Variants in NR3C2 observed in about 807,000 individuals in gnomAD.
The protein encoded by NR3C2 is mineralocorticoid receptor.
A neutral mutation model predicts 86.4 loss-of-function variants in NR3C2; 15 were observed. That is an observed-to-expected ratio of 0.17 (90% CI 0.12 to 0.27). NR3C2 has a LOEUF of 0.27. Among genes scored for constraint, NR3C2 ranks in the 10% least tolerant of loss-of-function variants. The pLI is 1.00. For missense variants in NR3C2, 960 were observed against 1,195.6 expected, an observed-to-expected ratio of 0.80 and a Z score of 2.91; for synonymous variants, 458 against 450.5, an observed-to-expected ratio of 1.02 and a Z score of -0.21.
At chr4:148,128,328 C>T (rs1463497804) in intron 6 of NR3C2, among the ~76,000 whole-genome samples, 1 of 152,164 alleles carries the variant, frequency 6.6e-6, no homozygotes, top group Non-Finnish European at 1.5e-5. Context: ...ACTGGCTTAC[C>T]ATTCAGGTAT....
At chr4:148,138,889 G>C (rs998703479) in intron 6 of NR3C2, among the ~76,000 whole-genome samples, 2 of 152,168 alleles carry the variant, frequency 1.3e-5, no homozygotes, top group Non-Finnish European at 2.9e-5. Flanking sequence ...TCTTGAGAGA[G>C]GATATGTTAT....
At chr4:148,187,592 T>C (rs1380203975) in intron 4 of NR3C2, among the ~76,000 whole-genome samples, 1 of 152,064 alleles carries the variant, frequency 6.6e-6, no homozygotes, top group Non-Finnish European at 1.5e-5. Flanking sequence ...GTAGATTCTG[T>C]ATATTAGCCC....
chr4:148,444,300 A>C, upstream of NR3C2: 4 of 985,448 alleles, frequency 4.1e-6, no homozygotes, highest in Non-Finnish European at 4.8e-6. Context: ...TGCAAAATCT[A>C]GGTTAGAACC....
chr4:148,090,310 C>A (rs1418844502), intron 8 of NR3C2, among the ~76,000 whole-genome samples: 1 of 152,186 alleles, frequency 6.6e-6, no homozygotes, highest in Non-Finnish European at 1.5e-5. Flanking sequence ...GAAAGATGGG[C>A]TTGGCACATG....
chr4:148,366,633 C>T (rs1279985317), intron 2 of NR3C2, among the ~76,000 whole-genome samples: 1 of 152,022 alleles, frequency 6.6e-6, no homozygotes, highest in African/African-American at 2.4e-5. Flanking sequence ...TCTATTCTCT[C>T]ATCATTCAAA....
chr4:148,379,957 T>C (rs1746880833), intron 2 of NR3C2, among the ~76,000 whole-genome samples: 1 of 152,184 alleles, frequency 6.6e-6, no homozygotes, highest in Non-Finnish European at 1.5e-5. Context: ...AAAATACATT[T>C]AAATGATTCT....
chr4:148,298,915 T>C (rs1579122264), intron 2 of NR3C2, among the ~76,000 whole-genome samples: 1 of 152,218 alleles, frequency 6.6e-6, no homozygotes, highest in African/African-American at 2.4e-5. Context: ...CCCAAGGCCT[T>C]GTCTGGGTGT....
At chr4:148,442,502 CTGG>C (rs1750404256), upstream of NR3C2, 2 of 309,082 alleles carry the variant, frequency 6.5e-6, no homozygotes, top group Non-Finnish European at 9.4e-6. Flanking sequence ...AGTGGGCCAG[CTGG>C]AGGGCTGGCC....
Position 148,120,237 on chromosome 4 carries a change from T to G in NR3C2, c.2562A>C (p.Gln854His). The stretch of plus-strand genomic sequence containing the variant: ...GCAGTCGAACGAACTGAAGGCTGAT[T>G]TGGTGCATCCCCTGGCATAGTTCAT... ...AMYELCQGMHQISLQFVRLQL... is the reference protein window; with the variant it reads ...AMYELCQGMHHISLQFVRLQL... The change falls in exon 7 of 9, where the codon CAA becomes CAC. Residue 854 changes from glutamine (Q) to histidine (H), a missense_variant. Gln to His is a conservative substitution (Grantham distance 24). Around this residue, in one of 4 missense-constraint regions of NR3C2, gnomAD observed 151 missense variants for 296.3 expected, o/e 0.51. Coordinates refer to ENST00000358102, the MANE Select transcript of NR3C2 (RefSeq NM_000901.5). 3 of 1,614,146 alleles carry G rather than the reference T, an allele frequency of 1.9e-6. No individual in the cohort carries two copies. Among genetic ancestry groups the G allele is most frequent in the Admixed American group, 1.7e-5 (1 of 60,024 alleles).
At chr4:148,315,694 A>T (rs965426074) in intron 2 of NR3C2, among the ~76,000 whole-genome samples, 1 of 152,194 alleles carries the variant, frequency 6.6e-6, no homozygotes, top group Non-Finnish European at 1.5e-5. Flanking sequence ...AGACTTACGT[A>T]TTCTGTTTGA....
chr4:148,094,408 T>C (rs1731188509), intron 8 of NR3C2, among the ~76,000 whole-genome samples: 2 of 152,112 alleles, frequency 1.3e-5, no homozygotes, highest in Non-Finnish European at 2.9e-5. Context: ...AGTGCTCAAA[T>C]AGATATTTGT....
At chr4:148,351,463 G>GT (rs1745271933) in intron 2 of NR3C2, among the ~76,000 whole-genome samples, 1 of 152,084 alleles carries the variant, frequency 6.6e-6, no homozygotes, top group Admixed American at 6.6e-5. Context: ...TTTCTAATAT[G>GT]TAACATTTGC....
intron 2 of NR3C2, among the ~76,000 whole-genome samples, chr4:148,403,958 A>G (rs921698379): frequency 2.0e-5 from 3 of 152,060 alleles, no homozygotes; most frequent in African/African-American, 4.8e-5. Flanking sequence ...CAAATGTTAC[A>G]TATGTTATTT....
rs188684004 is a variant in NR3C2, at chr4:148,237,224, C to T, written c.1897+22754G>A. On this transcript the variant is annotated intron_variant, in intron 3 of 8. Coordinates refer to ENST00000358102, the MANE Select transcript of NR3C2 (RefSeq NM_000901.5). ...AGACATACCATCATTTGCAACTGGA[C>T]AATTTAACTTTTTAAGAGACAGTGC... Among the ~76,000 whole-genome samples, 263 of 152,214 alleles carry T rather than the reference C, an allele frequency of 1.7e-3. 2 individuals carry two copies. The highest frequency in any genetic ancestry group is 5.8e-3 in the African/African-American group (239 of 41,562).
intron 3 of NR3C2, among the ~76,000 whole-genome samples, chr4:148,250,459 C>T (rs1439522111): frequency 1.3e-5 from 2 of 152,142 alleles, no homozygotes; most frequent in East Asian, 3.9e-4. Flanking sequence ...ATCACGACAC[C>T]AAGCAGCCCT....
intron 2 of NR3C2, among the ~76,000 whole-genome samples, chr4:148,400,108 G>A (rs550522514): frequency 6.6e-6 from 1 of 152,178 alleles, no homozygotes; most frequent in East Asian, 1.9e-4. Flanking sequence ...AGAAACTGAC[G>A]CTTTTTCAAG....
intron 4 of NR3C2, among the ~76,000 whole-genome samples, chr4:148,173,042 G>A (rs548873945): frequency 3.3e-5 from 5 of 152,274 alleles, no homozygotes; most frequent in African/African-American, 1.2e-4. Flanking sequence ...TTAGCACAGC[G>A]GGGGAATATG....
At chr4:148,375,950 A>G (rs1746656557) in intron 2 of NR3C2, among the ~76,000 whole-genome samples, 1 of 152,200 alleles carries the variant, frequency 6.6e-6, no homozygotes. Context: ...GAGAATTAGG[A>G]AGTCACCAAT....
intron 2 of NR3C2, among the ~76,000 whole-genome samples, chr4:148,418,514 TCCTC>T (rs1174689037): frequency 6.6e-6 from 1 of 152,212 alleles, no homozygotes; most frequent in Non-Finnish European, 1.5e-5. Context: ...TAGAAGAATT[TCCTC>T]TCTCTACAAT....
Sources: allele counts gnomAD v4.1 joint callset (sites outside exome capture counted in the v4.1 genomes callset), GRCh38; gene constraint gnomAD v4.1.1; regional missense constraint gnomAD v4.1.1; transcripts MANE v1.5; gene names NCBI Gene and HGNC (gene_info 2026-07-23, HGNC 2026-07-21).